RGMA: variants seen among roughly 807,000 people sequenced by gnomAD.
RGMA encodes repulsive guidance molecule BMP co-receptor a.
RGMA carries 10 observed loss-of-function variants against 23.2 expected under a neutral mutation model. That is an observed-to-expected ratio of 0.43 (90% CI 0.27 to 0.73). The LOEUF is 0.73. RGMA is among the 30% of genes least tolerant of loss of function. RGMA has a pLI of 0.20. For synonymous variants in RGMA, 308 were observed against 279.3 expected (o/e 1.10, Z -1.03); for missense variants, 547 against 630.5 (o/e 0.87, Z 1.42).
intron 2 of RGMA, chr15:93,063,089 C>G (rs1177132351): frequency 6.6e-6 from 1 of 152,186 alleles, no homozygotes; most frequent in Non-Finnish European, 1.5e-5. Flanking sequence ...AGCAGTGTAA[C>G]TGAAGAGGCG....
At chr15:93,055,834 A>C (rs2055005009) in intron 2 of RGMA, among the ~76,000 whole-genome samples, 1 of 152,172 alleles carries the variant, frequency 6.6e-6, no homozygotes, top group Non-Finnish European at 1.5e-5. Flanking sequence ...GTAACTCCGC[A>C]GCCTCCTGAA....
intron 2 of RGMA, among the ~76,000 whole-genome samples, chr15:93,059,865 G>T (rs1474694933): frequency 6.6e-6 from 1 of 152,214 alleles, no homozygotes; most frequent in Non-Finnish European, 1.5e-5. Flanking sequence ...CCCAATTCCA[G>T]GCAATAAACC....
At position 93,070,923 on chromosome 15, in the gene RGMA, T is replaced by C. The variant is rs1189412101; in HGVS notation, c.130+1993A>G. ...CGGGATGCTTTAAAATAAAAGTTTTTAGGATGGAGAAATAAATCGAGAAAC... is the reference window on the plus strand; with the variant it reads ...CGGGATGCTTTAAAATAAAAGTTTTCAGGATGGAGAAATAAATCGAGAAAC... On this transcript the variant is annotated intron_variant, in intron 2 of 3. Transcript: ENST00000329082. Among the ~76,000 whole-genome samples, 3 of 152,214 alleles carry C rather than the reference T, an allele frequency of 2.0e-5. No homozygotes were observed. The East Asian group carries it at 5.8e-4, about 29-fold the overall frequency.
chr15:93,056,596 CCGACTCCT>C (rs551760607), intron 2 of RGMA, among the ~76,000 whole-genome samples: 2 of 152,152 alleles, frequency 1.3e-5, no homozygotes, highest in Non-Finnish European at 2.9e-5. Flanking sequence ...CCCCGTCTCC[CCGACTCCT>C]CTGTAGGCTT....
At chr15:93,076,863 C>T (rs1010797230) in intron 1 of RGMA, among the ~76,000 whole-genome samples, 1 of 152,156 alleles carries the variant, frequency 6.6e-6, no homozygotes, top group South Asian at 2.1e-4. Context: ...AAGTCCGCAC[C>T]GGGCTTAAAG....
chr15:93,075,520 A>G (rs1895458501), intron 1 of RGMA, among the ~76,000 whole-genome samples: 1 of 152,230 alleles, frequency 6.6e-6, no homozygotes, highest in African/African-American at 2.4e-5. Flanking sequence ...AGAATACAGA[A>G]TCAGAATTGT....
At chr15:93,076,067 G>A (rs1020064798) in intron 1 of RGMA, among the ~76,000 whole-genome samples, 2 of 152,184 alleles carry the variant, frequency 1.3e-5, no homozygotes, top group South Asian at 2.1e-4. Context: ...TCAGCACTCC[G>A]TTCGCCATAG....
rs2054773579 is a variant in RGMA, at chr15:93,044,202, C to A, written c.*796G>T. ...CCCTGCCCAGGAGCTCTTGCATCTG[C>A]AGGAGAGAGAGGAACAGAAGTCAAG... is the stretch of plus-strand genomic sequence containing the variant. On this transcript the variant is annotated 3_prime_UTR_variant, in exon 4 of 4. Coordinates refer to ENST00000329082, the MANE Select transcript of RGMA (RefSeq NM_020211.3). 6.6e-6 allele frequency: 1 copy of A among 152,390 alleles called. No individual in the cohort carries two copies. The highest frequency in any genetic ancestry group is 1.5e-5 in the Non-Finnish European group (1 of 68,164). The allele number at this position is 152,390 out of a possible 1,614,324, so 9.4% of individuals were successfully genotyped here.
intron 1 of RGMA, among the ~76,000 whole-genome samples, chr15:93,085,554 G>T (rs912832143): frequency 1.3e-5 from 2 of 152,194 alleles, no homozygotes; most frequent in Non-Finnish European, 2.9e-5. Context: ...TGCATAAACT[G>T]TTTGCTACAC....
intron 1 of RGMA, chr15:93,073,995 T>C (rs1162129363): frequency 2.9e-6 from 4 of 1,396,010 alleles, no homozygotes; most frequent in East Asian, 5.5e-5. Context: ...TGGTGACCTT[T>C]CCTAACTCTG....
intron 2 of RGMA, among the ~76,000 whole-genome samples, chr15:93,059,439 T>A (rs2055067428): frequency 1.3e-5 from 2 of 152,206 alleles, no homozygotes; most frequent in Admixed American, 1.3e-4. Flanking sequence ...CAGATCTTCC[T>A]AAGAGTTTAC....
chr15:93,080,209 A>AT (rs1895536657), intron 1 of RGMA, among the ~76,000 whole-genome samples: 1 of 151,962 alleles, frequency 6.6e-6, no homozygotes, highest in Non-Finnish European at 1.5e-5. Context: ...TTTTAATTTT[A>AT]TTTTTTTGAG....
At chr15:93,073,616 A>G (rs1425473191) in intron 1 of RGMA, 2 of 1,536,826 alleles carry the variant, frequency 1.3e-6, no homozygotes, top group African/African-American at 2.7e-5. Context: ...CTGGCTCATC[A>G]GTCGCACTCA....
rs767088318 is a variant in RGMA at position 93,052,021 on chromosome 15, G to C, written c.617C>G (p.Pro206Arg). Residue 206 changes from proline (P) to arginine (R), a missense_variant, in exon 3 of 4, where the codon CCC becomes CGC. Coordinates refer to ENST00000329082, the MANE Select transcript of RGMA (RefSeq NM_020211.3). ...NVQVTNTPVL[P>R]GSAATATSKL... ...GCTGGTGGCAGTGGCCGCTGAGCCG[G>C]GCAGCACAGGCGTGTTGGTGACCTG... 6.2e-7 allele frequency: 1 copy of C among 1,608,964 alleles called. No homozygotes were observed. The highest frequency in any genetic ancestry group is 2.2e-5 in the East Asian group (1 of 44,730).
rs754318184 is a variant in RGMA at position 93,045,736 on chromosome 15, TGAGGCACAGTGGGAG to T, written c.646-46_646-32del. 5.7e-4 allele frequency: 855 copies of T among 1,511,260 alleles called. 1 individual carries two copies. The highest frequency in any genetic ancestry group is 4.8e-4 in the Non-Finnish European group (533 of 1,101,038). 93.6% of individuals were successfully genotyped at this position (1,511,260 alleles called of 1,614,324 possible). The stretch of plus-strand genomic sequence containing the variant: ...GGGGAAAGGGGCAGAGGAGAGTGGG[TGAGGCACAGTGGGAG>T]GAGGCACAGCCCCACACTTAAGATG... On this transcript the variant is annotated intron_variant, in intron 3 of 3. Transcript: ENST00000329082. This position sits in a 1 kb window ranked among gnomAD's most constrained non-coding sequence, Gnocchi z 6.9.
intron 1 of RGMA, chr15:93,073,265 C>G (rs1321117475): frequency 1.0e-6 from 1 of 971,704 alleles, no homozygotes; most frequent in Non-Finnish European, 1.3e-6. Context: ...GCACCGCCCC[C>G]TCGCGCTCGG....
intron 2 of RGMA, among the ~76,000 whole-genome samples, chr15:93,064,833 G>C (rs1596096178): frequency 1.3e-5 from 2 of 152,214 alleles, no homozygotes; most frequent in Admixed American, 1.3e-4. Flanking sequence ...GCCATGGTGA[G>C]CAAGAGGCAG....
chr15:93,076,032 T>A (rs2141844532), intron 1 of RGMA, among the ~76,000 whole-genome samples: 1 of 152,278 alleles, frequency 6.6e-6, no homozygotes, highest in Admixed American at 6.5e-5. Flanking sequence ...GAATAAAAAA[T>A]TCCTAAAACG....
intron 2 of RGMA, among the ~76,000 whole-genome samples, chr15:93,072,235 C>A (rs1184075786): frequency 6.6e-6 from 1 of 152,138 alleles, no homozygotes; most frequent in East Asian, 1.9e-4. Context: ...TTGAAAGCAG[C>A]GATCTGCCAA....
Sources: gnomAD v4.1 joint callset for allele counts (sites outside exome capture counted in the v4.1 genomes callset) on GRCh38, gnomAD v4.1.1 for gene constraint, Gnocchi (gnomAD v3.1) non-coding constraint, MANE v1.5 for transcripts, NCBI Gene and HGNC (gene_info 2026-07-23, HGNC 2026-07-21) for gene names.